Variants in NAT9 observed in about 807,000 individuals in gnomAD.
NAT9 encodes the protein alpha/beta-tubulin-N-acetyltransferase 9.
NAT9 carries 18 observed loss-of-function variants against 24.0 expected under a neutral mutation model. The observed-to-expected ratio is 0.75, with a 90% CI of 0.52 to 1.11. The LOEUF (loss-of-function observed/expected upper bound fraction) is 1.11, where lower values mean the gene tolerates loss of function less well. Ranked by LOEUF, NAT9 falls within the 50% of genes most tolerant of loss-of-function variation. The pLI, the probability that NAT9 is intolerant of heterozygous loss-of-function variation, is 0.00. For missense variants in NAT9, 254 were observed against 258.6 expected, an observed-to-expected ratio of 0.98 and a Z score of 0.12; for synonymous variants, 104 against 102.3, an observed-to-expected ratio of 1.02 and a Z score of -0.10.
chr17:74,771,670 T>G lies in NAT9; in HGVS notation c.*54A>C. The G allele has an allele frequency of 6.2e-7, 1 of 1,605,626 alleles. No homozygotes were observed. Among genetic ancestry groups the G allele is most frequent in the Non-Finnish European group, 8.5e-7 (1 of 1,176,184 alleles). ...CAGTGCAGGGCTCTGGTCTTTGAAG[T>G]GTATGGGCCCAACACCCTGCTCACA... is the stretch of plus-strand genomic sequence containing the variant. On this transcript the variant is annotated 3_prime_UTR_variant, in exon 7 of 7. Transcript: ENST00000357814.
At chr17:74,773,937 A>T in intron 2 of NAT9, 1 of 395,758 alleles carries the variant, frequency 2.5e-6, no homozygotes, top group Non-Finnish European at 4.8e-6. Context: ...GCGGAGGAGC[A>T]GTCTGAAACC....
rs1327419712 is a variant in NAT9, at chr17:74,771,657, C to A, written c.*67G>T. The A allele has an allele frequency of 6.3e-7, 1 of 1,597,710 alleles. No homozygotes were observed. Among genetic ancestry groups the A allele is most frequent in the Non-Finnish European group, 8.5e-7 (1 of 1,172,190 alleles). On this transcript the variant is annotated 3_prime_UTR_variant, in exon 7 of 7. Coordinates refer to ENST00000357814, the MANE Select transcript of NAT9 (RefSeq NM_015654.5). ...AGGAGCACTCTCCCAGTGCAGGGCT[C>A]TGGTCTTTGAAGTGTATGGGCCCAA...
In NAT9 at chr17:74,773,040, CT is replaced by C. The variant is rs2035454851; in HGVS notation, c.191-2del. 1.9e-6 allele frequency: 3 copies of C among 1,613,556 alleles called. No homozygotes were observed. Among genetic ancestry groups the C allele is most frequent in the Admixed American group, 1.7e-5 (1 of 59,976 alleles). ...GCATCCAGCACAATGAAGGTACACTCTGAGGAGGAGGTGACAGGGCTATCAC... is the reference window on the plus strand; with the variant it reads ...GCATCCAGCACAATGAAGGTACACTCGAGGAGGAGGTGACAGGGCTATCAC... On this transcript the variant is annotated splice_acceptor_variant, in intron 3 of 6. Transcript: ENST00000357814. LOFTEE classifies it high-confidence loss of function.
intron 2 of NAT9, 61 bp from the exon 3 acceptor site, chr17:74,773,749 T>C: frequency 1.4e-6 from 2 of 1,402,280 alleles, no homozygotes; most frequent in South Asian, 1.2e-5. Flanking sequence ...GTCTGACACC[T>C]TATGAGGGTC....
Position 74,775,631 on chromosome 17 carries a change from T to C in NAT9, c.68A>G (p.His23Arg). 1 of 1,613,938 alleles carries C rather than the reference T, an allele frequency of 6.2e-7. No homozygotes were observed. The highest frequency in any genetic ancestry group is 8.5e-7 in the Non-Finnish European group (1 of 1,179,846). ...KVVLVPYTSEHVPSRYHEWMK... is the reference protein window; with the variant it reads ...KVVLVPYTSERVPSRYHEWMK... ...CAAGCGGGAAAGATACCTGGGCACA[T>C]GCTCCGAGGTGTAGGGTACAAGGAC... is the stretch of plus-strand genomic sequence containing the variant. Residue 23 changes from histidine (H) to arginine (R), a missense_variant, in exon 2 of 7, where the codon CAT becomes CGT. His to Arg is a conservative substitution (Grantham distance 29). Transcript: ENST00000357814.
intron 3 of NAT9, 123 bp from the exon 4 acceptor site, chr17:74,773,162 G>C: frequency 8.2e-7 from 1 of 1,226,236 alleles, no homozygotes; most frequent in Non-Finnish European, 1.1e-6. Flanking sequence ...GGAGAAGAGG[G>C]GGTCCCAGAG....
At position 74,771,156 on chromosome 17, in the gene NAT9, C is replaced by T; in HGVS notation, c.*568G>A. On this transcript the variant is annotated 3_prime_UTR_variant, in exon 7 of 7. Coordinates refer to ENST00000357814, the MANE Select transcript of NAT9 (RefSeq NM_015654.5). ...GGAGGACGGACACTAGGTTGAGGGG[C>T]CAGGCCACACTCACTCTGGACCACC... 6.1e-6 allele frequency: 1 copy of T among 163,128 alleles called. No homozygotes were observed. The allele number at this position is 163,128 out of a possible 1,614,324, so 10.1% of individuals were successfully genotyped here.
intron 4 of NAT9, 112 bp from the exon 5 acceptor site, chr17:74,772,389 T>A (rs1264937303): frequency 1.4e-6 from 2 of 1,477,940 alleles, no homozygotes; most frequent in Non-Finnish European, 1.8e-6. Flanking sequence ...CTACTATCAT[T>A]ACCATTCTGC....
intron 2 of NAT9, 142 bp from the exon 3 acceptor site, chr17:74,773,830 C>A: frequency 1.5e-6 from 1 of 654,634 alleles, no homozygotes; most frequent in South Asian, 1.7e-5. Flanking sequence ...AAGGCAGGGG[C>A]CACAGACACA....
chr17:74,770,862 G>C lies in NAT9; in HGVS notation c.*862C>G, dbSNP rs1036049462. The C allele has an allele frequency of 6.6e-6, 1 of 152,240 alleles. No homozygotes were observed. The highest frequency in any genetic ancestry group is 2.4e-5 in the African/African-American group (1 of 41,452). The allele number at this position is 152,240 out of a possible 1,614,324, so 9.4% of individuals were successfully genotyped here. On this transcript the variant is annotated 3_prime_UTR_variant, in exon 7 of 7. Transcript: ENST00000357814. ...CTACTTTGTAAGCCATAGGGTGCCA[G>C]GTAGCCCGGCCACCCTGAGCCTGTG... is the stretch of plus-strand genomic sequence containing the variant.
intron 3 of NAT9, chr17:74,773,346 C>T: frequency 1.7e-6 from 1 of 594,280 alleles, no homozygotes; most frequent in South Asian, 2.0e-5. Flanking sequence ...CCCAAATGCT[C>T]TACTTTCTCC....
Position 74,771,607 on chromosome 17 carries a change from C to T in NAT9, c.*117G>A, listed in dbSNP as rs1014709207. 1.4e-5 allele frequency: 21 copies of T among 1,479,274 alleles called. No homozygotes were observed. The highest frequency in any genetic ancestry group is 1.9e-5 in the Non-Finnish European group (21 of 1,104,576). 91.6% of individuals were successfully genotyped at this position (1,479,274 alleles called of 1,614,324 possible). A position where few individuals can be genotyped will look rare whatever the true frequency, so the allele number is the denominator to read the frequency against. ...AGCCCCGCCAGAGTCTGAAGGGCCTCGAAAGGTGATTCCCAGCCTGGGCCA... is the reference window on the plus strand; with the variant it reads ...AGCCCCGCCAGAGTCTGAAGGGCCTTGAAAGGTGATTCCCAGCCTGGGCCA... On this transcript the variant is annotated 3_prime_UTR_variant, in exon 7 of 7. Coordinates refer to ENST00000357814, the MANE Select transcript of NAT9 (RefSeq NM_015654.5).
chr17:74,774,503 T>TG (rs2035690032), intron 2 of NAT9, among the ~76,000 whole-genome samples: 1 of 151,600 alleles, frequency 6.6e-6, no homozygotes, highest in African/African-American at 2.4e-5. Context: ...CTATTTTTTT[T>TG]GTATTTTTAT....
In NAT9 at chr17:74,771,485, G is replaced by A. The variant is rs2035198791; in HGVS notation, c.*239C>T. Reference sequence around the variant, plus strand: ...CCCTGCCCTCCATTCCAGCTTCCTAGAGTCTGGGTCTGGGTTTGGCCGGGA... The same window carrying A: ...CCCTGCCCTCCATTCCAGCTTCCTAAAGTCTGGGTCTGGGTTTGGCCGGGA... On this transcript the variant is annotated 3_prime_UTR_variant, in exon 7 of 7. Transcript: ENST00000357814. The A allele has an allele frequency of 4.9e-6, 3 of 607,062 alleles. No homozygotes were observed. The highest frequency in any genetic ancestry group is 2.1e-5 in the South Asian group (1 of 47,758). 37.6% of individuals were successfully genotyped at this position (607,062 alleles called of 1,614,324 possible).
intron 4 of NAT9, 109 bp downstream of exon 4, chr17:74,772,787 G>C (rs1356431956): frequency 6.0e-6 from 9 of 1,505,346 alleles, no homozygotes; most frequent in Non-Finnish European, 8.1e-6. Context: ...TCACCACATG[G>C]AGCCTCCCAG....
chr17:74,773,500 G>T, intron 3 of NAT9, 76 bp downstream of exon 3: 2 of 1,322,276 alleles, frequency 1.5e-6, no homozygotes, highest in Non-Finnish European at 2.2e-6. Flanking sequence ...CTGGGAAAGG[G>T]AAGGAACCTG....
rs2035112030 is a variant in NAT9 at position 74,770,676 on chromosome 17, C to T, written c.*1048G>A. ...GGCAAGTCACCTTACTTATCTAAGA[C>T]TGTTTCCCCACCTGGAAGATGCCCT... On this transcript the variant is annotated 3_prime_UTR_variant, in exon 7 of 7. Transcript: ENST00000357814. 6.6e-6 allele frequency: 1 copy of T among 152,228 alleles called. No individual in the cohort carries two copies. The highest frequency in any genetic ancestry group is 2.4e-5 in the African/African-American group (1 of 41,460). The allele number at this position is 152,228 out of a possible 1,614,324, so 9.4% of individuals were successfully genotyped here.
At chr17:74,772,076 G>A (rs768491413) in intron 5 of NAT9, 22 bp from the exon 6 acceptor site, 1 of 1,613,220 alleles carries the variant, frequency 6.2e-7, no homozygotes, top group South Asian at 1.1e-5. Context: ...GATGAGACAG[G>A]GGCAAGTAAG....
At chr17:74,773,485 C>G (rs940015071) in intron 3 of NAT9, 91 bp downstream of exon 3, 2 of 1,140,970 alleles carry the variant, frequency 1.8e-6, no homozygotes, top group Non-Finnish European at 2.6e-6. Flanking sequence ...CTTCTATGGC[C>G]GGGGCTGGGA....
Sources: gnomAD v4.1 joint callset for allele counts (sites outside exome capture counted in the v4.1 genomes callset) on GRCh38, gnomAD v4.1.1 for gene constraint, MANE v1.5 for transcripts, NCBI Gene and HGNC (gene_info 2026-07-23, HGNC 2026-07-21) for gene names.